ECPAS: variants seen among roughly 807,000 people sequenced by gnomAD.
ECPAS encodes the protein proteasome adapter and scaffold protein ECM29.
A neutral mutation model predicts 255.1 loss-of-function variants in ECPAS; 70 were observed. That is an observed-to-expected ratio of 0.27 (90% CI 0.23 to 0.33). The LOEUF (loss-of-function observed/expected upper bound fraction) is 0.33. Ranked by LOEUF, ECPAS falls within the 10% of genes least tolerant of loss-of-function variation. ECPAS has a pLI of 1.00. For missense variants in ECPAS, 1,817 were observed against 2,206.4 expected (o/e 0.82, Z 3.54); for synonymous variants, 784 against 775.0 (o/e 1.01, Z -0.19).
intron 7 of ECPAS, 41 bp from the exon 8 acceptor site, chr9:111,433,413 A>G: frequency 5.6e-6 from 9 of 1,609,274 alleles, no homozygotes; most frequent in Non-Finnish European, 7.6e-6. Flanking sequence ...CAGTCAGGGG[A>G]GCAAAGGACA....
intron 8 of ECPAS, among the ~76,000 whole-genome samples, chr9:111,431,242 AT>A (rs2131845650): frequency 6.6e-6 from 1 of 152,302 alleles, no homozygotes; most frequent in East Asian, 1.9e-4. Flanking sequence ...GGGCCCCACA[AT>A]AAGGTGAATT....
rs1236981605 is a variant in ECPAS, at chr9:111,449,693, T to C, written c.153+1732A>G. 2.6e-5 allele frequency among the ~76,000 whole-genome samples: 4 copies of C among 152,340 alleles called. No homozygotes were observed. In the East Asian group the frequency reaches 7.7e-4, roughly 29 times the overall value. On this transcript the variant is annotated intron_variant, in intron 3 of 49. Transcript: ENST00000684092. ...CTGGACTAATGCAAAAGTTCCCTGT[T>C]TGCTCTCCAGGTCTCCACTCTTGGC...
chr9:111,433,766 C>A (rs150502573), intron 7 of ECPAS, among the ~76,000 whole-genome samples: 2 of 152,196 alleles, frequency 1.3e-5, no homozygotes, highest in Non-Finnish European at 2.9e-5. Flanking sequence ...AAATTTGGGG[C>A]CTCCAGATAA....
At chr9:111,484,082 C>T (rs1232342522) in intron 1 of ECPAS, 34 bp downstream of exon 1, 3 of 1,246,094 alleles carry the variant, frequency 2.4e-6, no homozygotes, top group Admixed American at 8.3e-5. Flanking sequence ...GCGCGCAGGG[C>T]CAGTCCCCCG....
chr9:111,473,175 T>C (rs926720920), intron 1 of ECPAS, among the ~76,000 whole-genome samples, 175 bp from the exon 2 acceptor site: 2 of 152,212 alleles, frequency 1.3e-5, no homozygotes, highest in African/African-American at 4.8e-5. Context: ...GAATAAGGCC[T>C]ATGTCCACAA....
chr9:111,417,291 A>G (rs534851907), intron 17 of ECPAS, among the ~76,000 whole-genome samples: 1 of 152,334 alleles, frequency 6.6e-6, no homozygotes, highest in East Asian at 1.9e-4. Context: ...TAAGCATGTC[A>G]TATTAAGGGA....
At position 111,371,742 on chromosome 9, in the gene ECPAS, G is replaced by C; in HGVS notation, c.4616C>G (p.Ala1539Gly). Residue 1539 changes from alanine to glycine, a missense_variant, in exon 43 of 50, where the codon GCC becomes GGC. Ala to Gly is a moderately conservative substitution (Grantham distance 60). Transcript: ENST00000684092. The stretch of plus-strand genomic sequence containing the variant: ...TGATGCCATGGCAATTGCACCCTGG[G>C]CTTTCATTTTCCAGGACTGAGACTG... Reference protein sequence around the residue: ...ALQSQSWKMKAQGAIAMASIA... With the variant: ...ALQSQSWKMKGQGAIAMASIA... 1 of 1,613,868 alleles carries C rather than the reference G, an allele frequency of 6.2e-7. No individual in the cohort carries two copies. Among genetic ancestry groups the C allele is most frequent in the Non-Finnish European group, 8.5e-7 (1 of 1,179,796 alleles).
chr9:111,362,202 A>T lies in ECPAS; in HGVS notation c.5381-33T>A, dbSNP rs765677255. ...AAAAAAAAAAAACAAAAACAAAAAA[A>T]ACAAAAAACAAAGCAAAAAGAAAAA... On this transcript the variant is annotated intron_variant, in intron 49 of 49. Coordinates refer to ENST00000684092, the MANE Select transcript of ECPAS (RefSeq NM_001364929.1). 5 of 1,524,172 alleles carry T rather than the reference A, an allele frequency of 3.3e-6. No individual in the cohort carries two copies. In the South Asian group the frequency reaches 6.1e-5, roughly 19 times the overall value. The allele number at this position is 1,524,172 out of a possible 1,614,324, so 94.4% of individuals were successfully genotyped here.
intron 1 of ECPAS, among the ~76,000 whole-genome samples, chr9:111,474,497 T>C (rs781224849): frequency 6.6e-6 from 1 of 152,204 alleles, no homozygotes; most frequent in African/African-American, 2.4e-5. Context: ...TCCTAATTAG[T>C]CTTGCTGCTC....
chr9:111,378,088 G>A (rs1411335233), intron 36 of ECPAS, among the ~76,000 whole-genome samples: 1 of 152,120 alleles, frequency 6.6e-6, no homozygotes, highest in Non-Finnish European at 1.5e-5. Context: ...AGAGGTTGCA[G>A]TGAGCCGAGA....
In ECPAS at chr9:111,369,027, G is replaced by T. The variant is rs1428885424; in HGVS notation, c.5113+8C>A. The T allele has an allele frequency of 1.9e-6, 3 of 1,541,744 alleles. No individual in the cohort carries two copies. Among genetic ancestry groups the T allele is most frequent in the East Asian group, 4.8e-5 (2 of 41,510 alleles). ...TACAGCACTTCAAATGCAGTTTCTG[G>T]TGCTTACGTTGGGTCTCCGCGTTTC... On this transcript the variant is annotated splice_region_variant and intron_variant, in intron 46 of 49. Coordinates refer to ENST00000684092, the MANE Select transcript of ECPAS (RefSeq NM_001364929.1).
chr9:111,425,476 T>C lies in ECPAS; in HGVS notation c.1157A>G (p.Lys386Arg). 1.3e-6 allele frequency: 2 copies of C among 1,598,436 alleles called. No individual in the cohort carries two copies. The highest frequency in any genetic ancestry group is 1.7e-6 in the Non-Finnish European group (2 of 1,172,934). The part of the protein sequence containing the change: ...ICITCPEIKI[K>R]PLGPMLLNGL... Reference sequence around the variant, plus strand: ...ATTCAAAAGCATTGGACCTAATGGCTTAATCTTGATTTCTGGACAGCTTTA... The same window carrying C: ...ATTCAAAAGCATTGGACCTAATGGCCTAATCTTGATTTCTGGACAGCTTTA... The change falls in exon 12 of 50, where the codon AAG becomes AGG. Residue 386 changes from lysine to arginine, a missense_variant. Around this residue, in one of 4 missense-constraint regions of ECPAS, gnomAD observed 573 missense variants for 716.2 expected, o/e 0.80. Transcript: ENST00000684092.
chr9:111,389,798 C>T, intron 30 of ECPAS, 75 bp from the exon 31 acceptor site: 1 of 1,425,264 alleles, frequency 7.0e-7, no homozygotes, highest in South Asian at 1.4e-5. Context: ...ATTCTCCCTC[C>T]AAACTTATGC....
intron 24 of ECPAS, among the ~76,000 whole-genome samples, chr9:111,404,824 A>C (rs2098181574): frequency 6.7e-6 from 1 of 148,386 alleles, no homozygotes; most frequent in South Asian, 2.1e-4. Context: ...AAAAAAAAAA[A>C]AAAAAAAAAA....
intron 32 of ECPAS, 93 bp from the exon 33 acceptor site, chr9:111,385,535 C>CTT: frequency 1.3e-6 from 1 of 767,298 alleles, no homozygotes; most frequent in Non-Finnish European, 2.2e-6. Context: ...GATTCTGCCT[C>CTT]TAATTCGAGT....
At chr9:111,448,785 A>G (rs549314985) in intron 3 of ECPAS, among the ~76,000 whole-genome samples, 22 of 152,372 alleles carry the variant, frequency 1.4e-4, no homozygotes, top group African/African-American at 4.6e-4. Flanking sequence ...GGCAAATTTT[A>G]TATCAAATAT....
chr9:111,370,343 C>G, intron 45 of ECPAS, 92 bp downstream of exon 45: 1 of 807,548 alleles, frequency 1.2e-6, no homozygotes, highest in Non-Finnish European at 1.9e-6. Flanking sequence ...TGCAGCTAAA[C>G]TAATCCTAAT....
At chr9:111,471,289 A>G (rs994563511) in intron 2 of ECPAS, among the ~76,000 whole-genome samples, 1 of 152,198 alleles carries the variant, frequency 6.6e-6, no homozygotes, top group Non-Finnish European at 1.5e-5. Context: ...CTTCTAAACA[A>G]TTCTTCCCAT....
intron 39 of ECPAS, among the ~76,000 whole-genome samples, chr9:111,373,687 T>C (rs1445127374): frequency 6.6e-6 from 1 of 152,196 alleles, no homozygotes; most frequent in Non-Finnish European, 1.5e-5. Flanking sequence ...AAAATGCTGA[T>C]GTAAAATCAG....
Sources: gnomAD v4.1 joint callset for allele counts (sites outside exome capture counted in the v4.1 genomes callset) on GRCh38, gnomAD v4.1.1 for gene constraint, gnomAD v4.1.1 regional missense constraint, MANE v1.5 for transcripts, NCBI Gene and HGNC (gene_info 2026-07-23, HGNC 2026-07-21) for gene names.